Variants in HTR1E observed in about 807,000 individuals in gnomAD.
HTR1E encodes the protein 5-hydroxytryptamine receptor 1E, also known as 5-HT-1E.
Under a neutral mutation model 3.4 loss-of-function variants are expected in HTR1E, and 3 were observed. The ratio of observed to expected loss-of-function variants is 0.89; its 90% CI spans 0.41 to 2.31. The LOEUF (loss-of-function observed/expected upper bound fraction) is 2.31. Among genes scored for constraint, HTR1E ranks in the 30% most tolerant of loss-of-function variants. HTR1E has a pLI of 0.05. For synonymous variants in HTR1E, 170 were observed against 182.8 expected (o/e 0.93, Z 0.56); for missense variants, 392 against 467.0 (o/e 0.84, Z 1.48).
chr6:86,962,644 C>T (rs1767424939), intron 1 of HTR1E, among the ~76,000 whole-genome samples: 1 of 152,114 alleles, frequency 6.6e-6, no homozygotes, highest in South Asian at 2.1e-4. Flanking sequence ...CTGAGACCAA[C>T]CTGCCCAACA....
intron 1 of HTR1E, among the ~76,000 whole-genome samples, chr6:86,979,658 T>C (rs774431479): frequency 4.6e-5 from 7 of 152,140 alleles, no homozygotes; most frequent in Admixed American, 3.9e-4. Context: ...GGGTACAAAT[T>C]AGGTGCATGC....
At chr6:86,946,053 A>G (rs527981754) in intron 1 of HTR1E, among the ~76,000 whole-genome samples, 1 of 152,298 alleles carries the variant, frequency 6.6e-6, no homozygotes, top group South Asian at 2.1e-4. Context: ...TAAAAAGTTT[A>G]TAAAGTAAAA....
At chr6:86,988,202 A>C (rs1351375406) in intron 1 of HTR1E, among the ~76,000 whole-genome samples, 1 of 152,158 alleles carries the variant, frequency 6.6e-6, no homozygotes, top group African/African-American at 2.4e-5. Context: ...GTACCACATC[A>C]AACTTGAGGT....
At chr6:86,968,850 A>C (rs1232393395) in intron 1 of HTR1E, among the ~76,000 whole-genome samples, 1 of 150,032 alleles carries the variant, frequency 6.7e-6, no homozygotes, top group African/African-American at 2.4e-5. Context: ...GTTTTGTTTC[A>C]TGTTCATAAA....
chr6:86,998,991 G>T (rs376201101), intron 1 of HTR1E, among the ~76,000 whole-genome samples: 2 of 152,082 alleles, frequency 1.3e-5, no homozygotes, highest in East Asian at 1.9e-4. Context: ...ACAGAGTCTC[G>T]CCCTGTCACC....
intron 1 of HTR1E, among the ~76,000 whole-genome samples, chr6:87,011,792 G>T (rs1445663101): frequency 6.6e-6 from 1 of 152,014 alleles, no homozygotes; most frequent in Non-Finnish European, 1.5e-5. Flanking sequence ...GCCCATAGGA[G>T]ATTTATTAAT....
chr6:86,984,148 C>T (rs554892661), intron 1 of HTR1E, among the ~76,000 whole-genome samples: 31 of 152,248 alleles, frequency 2.0e-4, no homozygotes, highest in African/African-American at 5.3e-4. Context: ...ATACATTCTA[C>T]AACTAGGCAT....
At chr6:86,985,925 C>A (rs2127826528) in intron 1 of HTR1E, among the ~76,000 whole-genome samples, 1 of 152,328 alleles carries the variant, frequency 6.6e-6, no homozygotes, top group Non-Finnish European at 1.5e-5. Context: ...AGATGGGAGG[C>A]ATGCAGTGCT....
chr6:86,989,771 G>A (rs1260868761), intron 1 of HTR1E, among the ~76,000 whole-genome samples: 1 of 152,158 alleles, frequency 6.6e-6, no homozygotes, highest in Non-Finnish European at 1.5e-5. Context: ...GAAGCAAGGA[G>A]TGTCTTTTTC....
intron 1 of HTR1E, among the ~76,000 whole-genome samples, chr6:87,013,768 G>A (rs1479439158): frequency 6.6e-6 from 1 of 151,846 alleles, no homozygotes; most frequent in Non-Finnish European, 1.5e-5. Flanking sequence ...TGATGTTTTT[G>A]TCAAAAACGA....
At position 87,015,903 on chromosome 6, in the gene HTR1E, C is replaced by G. The variant is rs755175910; in HGVS notation, c.569C>G (p.Ala190Gly). Reference protein sequence around the residue: ...VIYTIYSTLGAFYIPLTLILI... With the variant: ...VIYTIYSTLGGFYIPLTLILI... ...TACACCATTTACTCCACGCTGGGTG[C>G]GTTTTATATCCCCTTGACTTTGATA... The change falls in exon 2 of 2, where the codon GCG becomes GGG. Residue 190 changes from alanine (A) to glycine (G), a missense_variant. Ala to Gly is a moderately conservative substitution (Grantham distance 60). Coordinates refer to ENST00000305344, the MANE Select transcript of HTR1E (RefSeq NM_000865.3). 6 of 1,613,252 alleles carry G rather than the reference C, an allele frequency of 3.7e-6. No individual in the cohort carries two copies. The highest frequency in any genetic ancestry group is 5.1e-6 in the Non-Finnish European group (6 of 1,179,428).
chr6:86,954,063 G>C (rs560591248), intron 1 of HTR1E, among the ~76,000 whole-genome samples: 1 of 152,240 alleles, frequency 6.6e-6, no homozygotes, highest in East Asian at 1.9e-4. Context: ...GATTTGGGTG[G>C]GGACACAAAT....
At chr6:87,007,360 G>A (rs756554471) in intron 1 of HTR1E, among the ~76,000 whole-genome samples, 4 of 152,096 alleles carry the variant, frequency 2.6e-5, no homozygotes, top group Admixed American at 1.3e-4. Flanking sequence ...GAATGGGGAT[G>A]GTTAATGGGT....
chr6:86,975,428 T>C (rs1767616409), intron 1 of HTR1E, among the ~76,000 whole-genome samples: 1 of 152,064 alleles, frequency 6.6e-6, no homozygotes, highest in Non-Finnish European at 1.5e-5. Context: ...TCCTCTCCTG[T>C]ATGTTCAGTC....
intron 1 of HTR1E, among the ~76,000 whole-genome samples, chr6:87,012,476 G>A (rs1562075334): frequency 6.6e-6 from 1 of 152,102 alleles, no homozygotes; most frequent in Non-Finnish European, 1.5e-5. Context: ...GGTGAAATAA[G>A]CTGTACACCA....
At chr6:86,950,172 T>G (rs1452976396) in intron 1 of HTR1E, among the ~76,000 whole-genome samples, 1 of 152,240 alleles carries the variant, frequency 6.6e-6, no homozygotes, top group Non-Finnish European at 1.5e-5. Flanking sequence ...GTTATTTCCC[T>G]TGAATTATAC....
chr6:86,985,699 C>T (rs1296717003), intron 1 of HTR1E, among the ~76,000 whole-genome samples: 2 of 152,182 alleles, frequency 1.3e-5, no homozygotes, highest in Non-Finnish European at 2.9e-5. Flanking sequence ...CCCAGCTTCA[C>T]TCAGATCTGC....
intron 1 of HTR1E, among the ~76,000 whole-genome samples, chr6:86,966,767 T>A (rs1255263403): frequency 6.6e-6 from 1 of 152,148 alleles, no homozygotes; most frequent in Admixed American, 6.5e-5. Context: ...GTATTTCAAG[T>A]AAGGATAACC....
At chr6:87,014,254 TATAATAATAATAATAATA>T (rs200002987) in intron 1 of HTR1E, among the ~76,000 whole-genome samples, 1,674 of 143,816 alleles carry the variant, frequency 0.012, 34 homozygotes, top group African/African-American at 0.04. Flanking sequence ...GAACTTAAAG[TATAATAATAATAATAATA>T]ATAATAATAA....
Sources: allele counts gnomAD v4.1 joint callset (sites outside exome capture counted in the v4.1 genomes callset), GRCh38; gene constraint gnomAD v4.1.1; transcripts MANE v1.5; gene names NCBI Gene and HGNC (gene_info 2026-07-23, HGNC 2026-07-21).